The following NALF1 variants were observed in gnomAD, a reference collection of about 807,000 sequenced individuals.
NALF1 encodes the protein family with sequence similarity 155 member A.
Under a neutral mutation model 48.4 loss-of-function variants are expected in NALF1, and 3 were observed. The ratio of observed to expected loss-of-function variants is 0.06; its 90% CI spans 0.03 to 0.16. The LOEUF (loss-of-function observed/expected upper bound fraction) is 0.16. NALF1 is among the 10% of genes least tolerant of loss of function. The pLI, the probability that NALF1 is intolerant of heterozygous loss-of-function variation, is 1.00. For synonymous variants in NALF1, 262 were observed against 245.7 expected, an observed-to-expected ratio of 1.07 and a Z score of -0.62; for missense variants, 526 against 571.5, an observed-to-expected ratio of 0.92 and a Z score of 0.81.
intron 1 of NALF1, among the ~76,000 whole-genome samples, chr13:107,788,013 G>A (rs1878124378): frequency 6.6e-6 from 1 of 152,210 alleles, no homozygotes; most frequent in South Asian, 2.1e-4. Context: ...AAGTCAGCGT[G>A]TCCTGAGTTG....
chr13:107,425,496 G>A (rs1323676), intron 1 of NALF1, among the ~76,000 whole-genome samples: 2,586 of 151,984 alleles, frequency 0.017, 69 homozygotes, highest in African/African-American at 0.059. Flanking sequence ...ATGTTGACTA[G>A]GTACTATGAT....
At chr13:107,803,089 T>C (rs1203774657) in intron 1 of NALF1, among the ~76,000 whole-genome samples, 6 of 152,164 alleles carry the variant, frequency 3.9e-5, no homozygotes, top group African/African-American at 1.4e-4. Context: ...AAATACTTCC[T>C]AAGCACTTTC....
At chr13:107,767,803 T>G (rs752342075) in intron 1 of NALF1, among the ~76,000 whole-genome samples, 2 of 152,222 alleles carry the variant, frequency 1.3e-5, no homozygotes, top group Non-Finnish European at 2.9e-5. Flanking sequence ...TTATATATGA[T>G]AGCATACCCT....
At chr13:107,295,078 T>C (rs939737482) in intron 1 of NALF1, among the ~76,000 whole-genome samples, 2 of 152,134 alleles carry the variant, frequency 1.3e-5, no homozygotes, top group African/African-American at 4.8e-5. Flanking sequence ...GTTTGGGGTA[T>C]GATTGAACCC....
intron 1 of NALF1, among the ~76,000 whole-genome samples, chr13:107,529,246 C>T (rs768825644): frequency 6.6e-6 from 1 of 152,072 alleles, no homozygotes; most frequent in Non-Finnish European, 1.5e-5. Flanking sequence ...TGGGTGAATA[C>T]CTGCATAGTG....
intron 1 of NALF1, among the ~76,000 whole-genome samples, chr13:107,682,796 G>A (rs767434579): frequency 6.6e-5 from 10 of 152,152 alleles, no homozygotes; most frequent in Non-Finnish European, 1.3e-4. Flanking sequence ...GAATCAGGAT[G>A]TCTGAGACTT....
intron 1 of NALF1, among the ~76,000 whole-genome samples, chr13:107,503,753 TTGTG>T (rs1019555168): frequency 4.4e-4 from 31 of 70,906 alleles, no homozygotes; most frequent in African/African-American, 2.2e-3. Flanking sequence ...GTGTGTGTGT[TTGTG>T]TGTGTGTGTG....
intron 1 of NALF1, among the ~76,000 whole-genome samples, chr13:107,257,314 A>G (rs1880837211): frequency 6.6e-6 from 1 of 152,152 alleles, no homozygotes; most frequent in South Asian, 2.1e-4. Flanking sequence ...TTTGGTAGGA[A>G]TAAGACCGTT....
intron 2 of NALF1, among the ~76,000 whole-genome samples, chr13:107,184,119 GTA>G: frequency 6.6e-6 from 1 of 151,014 alleles, no homozygotes; most frequent in East Asian, 1.9e-4. Context: ...ACCATGGCAC[GTA>G]TATATCTATG....
chr13:107,739,908 T>C (rs538412840), intron 1 of NALF1, among the ~76,000 whole-genome samples: 9 of 152,348 alleles, frequency 5.9e-5, no homozygotes, highest in African/African-American at 2.2e-4. Flanking sequence ...GAGAATCTAA[T>C]GCCTGATGAT....
intron 1 of NALF1, among the ~76,000 whole-genome samples, chr13:107,570,731 T>A (rs1328092562): frequency 6.6e-6 from 1 of 151,926 alleles, no homozygotes; most frequent in Non-Finnish European, 1.5e-5. Context: ...AAAAAATTAT[T>A]ACCTGATATA....
At chr13:107,576,832 G>A (rs193110079) in intron 1 of NALF1, among the ~76,000 whole-genome samples, 21 of 152,220 alleles carry the variant, frequency 1.4e-4, no homozygotes, top group South Asian at 1.0e-3. Flanking sequence ...TAAATATTTC[G>A]TAGTCTCAGT....
At chr13:107,685,247 G>A (rs1013218572) in intron 1 of NALF1, among the ~76,000 whole-genome samples, 20 of 152,126 alleles carry the variant, frequency 1.3e-4, no homozygotes, top group African/African-American at 2.7e-4. Context: ...CCAGGAAGCC[G>A]AGGGTGCAGT....
At chr13:107,668,801 T>C (rs1880920566) in intron 1 of NALF1, among the ~76,000 whole-genome samples, 1 of 152,006 alleles carries the variant, frequency 6.6e-6, no homozygotes, top group Admixed American at 6.6e-5. Context: ...ATAATTTAGT[T>C]ATGGTTCATA....
At chr13:107,737,168 C>A (rs1258406026) in intron 1 of NALF1, among the ~76,000 whole-genome samples, 1 of 152,096 alleles carries the variant, frequency 6.6e-6, no homozygotes, top group Non-Finnish European at 1.5e-5. Flanking sequence ...TAGAGAAACA[C>A]CAGTGTCTTC....
intron 1 of NALF1, among the ~76,000 whole-genome samples, chr13:107,771,058 ATTGT>A (rs200628209): frequency 0.01 from 1,575 of 152,276 alleles, 29 homozygotes; most frequent in African/African-American, 0.033. Context: ...TTCATTTGAA[ATTGT>A]ATGTCAAATA....
chr13:107,488,552 G>A (rs1029083300), intron 1 of NALF1, among the ~76,000 whole-genome samples: 1 of 152,066 alleles, frequency 6.6e-6, no homozygotes, highest in Non-Finnish European at 1.5e-5. Flanking sequence ...ATGCAGAAAA[G>A]TCTTTCAATA....
chr13:107,767,971 A>G (rs1359674805), intron 1 of NALF1, among the ~76,000 whole-genome samples: 2 of 152,204 alleles, frequency 1.3e-5, no homozygotes, highest in East Asian at 3.9e-4. Flanking sequence ...ATCCCCGGGC[A>G]GTCAATCCAC....
At chr13:107,566,673 T>A (rs9520492) in intron 1 of NALF1, among the ~76,000 whole-genome samples, 26,230 of 152,272 alleles carry the variant, frequency 0.17, 2,818 homozygotes, top group Middle Eastern at 0.29. Flanking sequence ...TGTCTTTTAT[T>A]TGCATACCAT....
Sources: allele counts gnomAD v4.1 joint callset (sites outside exome capture counted in the v4.1 genomes callset), GRCh38; gene constraint gnomAD v4.1.1; transcripts MANE v1.5; gene names NCBI Gene and HGNC (gene_info 2026-07-23, HGNC 2026-07-21).